The following SLC25A12 variants were observed in gnomAD, a reference collection of about 807,000 sequenced individuals.
The protein encoded by SLC25A12 is electrogenic aspartate/glutamate antiporter SLC25A12, mitochondrial.
Under a neutral mutation model 83.3 loss-of-function variants are expected in SLC25A12, and 32 were observed. That is an observed-to-expected ratio of 0.38 (90% confidence interval 0.29 to 0.52). The LOEUF (loss-of-function observed/expected upper bound fraction) is 0.52, where lower values mean the gene tolerates loss of function less well. Among genes scored for constraint, SLC25A12 ranks in the 20% least tolerant of loss-of-function variants. The pLI, the probability that SLC25A12 is intolerant of heterozygous loss-of-function variation, is 0.84. For synonymous variants in SLC25A12, 267 were observed against 291.1 expected (o/e 0.92, Z 0.84); for missense variants, 611 against 835.6 (o/e 0.73, Z 3.31).
chr2:171,878,947 G>A (rs993961074), intron 2 of SLC25A12, among the ~76,000 whole-genome samples: 3 of 152,060 alleles, frequency 2.0e-5, no homozygotes, highest in Non-Finnish European at 4.4e-5. Flanking sequence ...TCTACATAAG[G>A]AGCAAAGACC....
chr2:171,876,851 T>C (rs1432644862), intron 2 of SLC25A12, among the ~76,000 whole-genome samples: 1 of 152,236 alleles, frequency 6.6e-6, no homozygotes, highest in Non-Finnish European at 1.5e-5. Context: ...ATTTCAAAGA[T>C]ATCTCTTAAG....
intron 14 of SLC25A12, 121 bp from the exon 15 acceptor site, chr2:171,791,710 T>C (rs1574673981): frequency 2.2e-6 from 2 of 921,404 alleles, no homozygotes; most frequent in East Asian, 4.9e-5. Flanking sequence ...AAGCCTGAGG[T>C]GTCCCTTAAA....
At position 171,785,238 on chromosome 2, in the gene SLC25A12, C is replaced by T; in HGVS notation, c.*36G>A. On this transcript the variant is annotated 3_prime_UTR_variant, in exon 18 of 18. Transcript: ENST00000422440. Reference sequence around the variant, plus strand: ...GGCTGCTCTCCTAGGCCTCTTTCTTCAAGGCGCCATTTTGCCACACTCAAC... The same window carrying T: ...GGCTGCTCTCCTAGGCCTCTTTCTTTAAGGCGCCATTTTGCCACACTCAAC... 4 of 1,605,054 alleles carry T rather than the reference C, an allele frequency of 2.5e-6. No homozygotes were observed. The highest frequency in any genetic ancestry group is 3.4e-6 in the Non-Finnish European group (4 of 1,172,106).
At chr2:171,850,326 G>A (rs1321556096) in intron 4 of SLC25A12, among the ~76,000 whole-genome samples, 3 of 145,832 alleles carry the variant, frequency 2.1e-5, no homozygotes, top group East Asian at 4.1e-4. Flanking sequence ...ATGTTGGCCA[G>A]GCTGGTCTTT....
At chr2:171,838,620 A>T (rs750563981) in intron 5 of SLC25A12, among the ~76,000 whole-genome samples, 226 of 152,358 alleles carry the variant, frequency 1.5e-3, no homozygotes, top group Non-Finnish European at 2.7e-3. Flanking sequence ...GTACTAAAGA[A>T]GATGTGGACC....
chr2:171,810,845 TTTAAGTA>T (rs1574689055), intron 11 of SLC25A12, among the ~76,000 whole-genome samples: 1 of 152,226 alleles, frequency 6.6e-6, no homozygotes, highest in African/African-American at 2.4e-5. Context: ...AAAATGCAGT[TTTAAGTA>T]TTGTTTAACG....
intron 15 of SLC25A12, among the ~76,000 whole-genome samples, chr2:171,789,553 G>C (rs1574672284): frequency 6.6e-6 from 1 of 152,206 alleles, no homozygotes; most frequent in East Asian, 1.9e-4. Flanking sequence ...AGTTAGGAAG[G>C]AGCTGATTTG....
chr2:171,869,134 G>A (rs1685405789), intron 2 of SLC25A12, among the ~76,000 whole-genome samples: 2 of 152,162 alleles, frequency 1.3e-5, no homozygotes, highest in Non-Finnish European at 2.9e-5. Flanking sequence ...CAAGACCATA[G>A]AATCAGAAAG....
At chr2:171,853,456 A>G (rs1390669291) in intron 4 of SLC25A12, among the ~76,000 whole-genome samples, 1 of 151,574 alleles carries the variant, frequency 6.6e-6, no homozygotes, top group African/African-American at 2.4e-5. Flanking sequence ...TGGGCAGATT[A>G]CCTGAGGTCA....
At chr2:171,848,159 C>T (rs1363669666) in intron 4 of SLC25A12, 1 of 470,898 alleles carries the variant, frequency 2.1e-6, no homozygotes, top group Non-Finnish European at 4.4e-6. Context: ...CACCTTTCTG[C>T]AGTACAAAAT....
intron 2 of SLC25A12, among the ~76,000 whole-genome samples, chr2:171,874,543 T>C (rs1022543040): frequency 3.9e-5 from 6 of 152,230 alleles, no homozygotes; most frequent in Admixed American, 3.9e-4. Context: ...GATTTTGTAT[T>C]AAGAAAATTT....
chr2:171,864,889 T>C (rs1013439080), intron 3 of SLC25A12, among the ~76,000 whole-genome samples: 1 of 152,204 alleles, frequency 6.6e-6, no homozygotes, highest in Non-Finnish European at 1.5e-5. Flanking sequence ...TACCTTCTTT[T>C]GAAGGCCAAA....
At chr2:171,851,494 A>T (rs1248480043) in intron 4 of SLC25A12, among the ~76,000 whole-genome samples, 397 of 18,664 alleles carry the variant, frequency 0.021, 2 homozygotes, top group African/African-American at 0.049. Flanking sequence ...TGGCCCCTTA[A>T]AAAAAAAAAA....
intron 13 of SLC25A12, among the ~76,000 whole-genome samples, chr2:171,795,260 G>A (rs1326468077): frequency 1.3e-5 from 2 of 152,116 alleles, no homozygotes; most frequent in South Asian, 2.1e-4. Context: ...CCAGACCACT[G>A]GCACACAGGT....
intron 13 of SLC25A12, among the ~76,000 whole-genome samples, chr2:171,804,408 GCCA>G (rs1408365703): frequency 6.6e-6 from 1 of 152,048 alleles, no homozygotes; most frequent in African/African-American, 2.4e-5. Context: ...AAAAGCACCT[GCCA>G]CCACGCCTGG....
chr2:171,824,490 A>G (rs143604230), intron 9 of SLC25A12, among the ~76,000 whole-genome samples: 1,560 of 152,346 alleles, frequency 0.01, 12 homozygotes, highest in Middle Eastern at 0.054. Context: ...ATATTCCCCA[A>G]TTACAAATAT....
intron 9 of SLC25A12, among the ~76,000 whole-genome samples, chr2:171,826,531 C>T (rs561454680): frequency 1.3e-5 from 2 of 152,196 alleles, no homozygotes; most frequent in African/African-American, 4.8e-5. Flanking sequence ...ATCTCTTGAA[C>T]CCAGAAGGCA....
intron 2 of SLC25A12, among the ~76,000 whole-genome samples, chr2:171,890,422 T>C (rs894342560): frequency 1.3e-5 from 2 of 152,180 alleles, no homozygotes; most frequent in African/African-American, 4.8e-5. Flanking sequence ...TAAAAATCTT[T>C]TACTTGGTAA....
intron 15 of SLC25A12, 88 bp downstream of exon 15, chr2:171,791,363 C>T: frequency 8.7e-7 from 1 of 1,146,608 alleles, no homozygotes; most frequent in Non-Finnish European, 1.3e-6. Context: ...AATAATACTT[C>T]CAGAAATAAA....
Sources: allele counts gnomAD v4.1 joint callset (sites outside exome capture counted in the v4.1 genomes callset), GRCh38; gene constraint gnomAD v4.1.1; transcripts MANE v1.5; gene names NCBI Gene and HGNC (gene_info 2026-07-23, HGNC 2026-07-21).